KDM1A: variants seen among roughly 807,000 people sequenced by gnomAD.
KDM1A encodes lysine-specific histone demethylase 1A.
KDM1A carries 49 observed loss-of-function variants against 109.4 expected under a neutral mutation model. The ratio of observed to expected loss-of-function variants is 0.45; its 90% CI spans 0.36 to 0.57. KDM1A has a LOEUF of 0.57. KDM1A is among the 20% of genes least tolerant of loss of function. KDM1A has a pLI of 0.00. For missense variants in KDM1A, 668 were observed against 1,116.6 expected (o/e 0.60, Z 5.73); for synonymous variants, 380 against 415.4 (o/e 0.91, Z 1.04).
chr1:23,045,840 G>A (rs924328067), intron 3 of KDM1A, among the ~76,000 whole-genome samples: 1 of 152,108 alleles, frequency 6.6e-6, no homozygotes, highest in Non-Finnish European at 1.5e-5. Flanking sequence ...AAACCTTCAA[G>A]ATCTCTCTTC....
chr1:23,032,698 T>TA (rs1217269393), intron 2 of KDM1A, among the ~76,000 whole-genome samples: 2 of 152,178 alleles, frequency 1.3e-5, no homozygotes, highest in African/African-American at 4.8e-5. Flanking sequence ...AGTGTCAACT[T>TA]ACTAGCCTAA....
intron 12 of KDM1A, 109 bp from the exon 13 acceptor site, chr1:23,071,116 C>A: frequency 1.3e-6 from 1 of 788,066 alleles, no homozygotes; most frequent in Non-Finnish European, 2.1e-6. Context: ...TGCATTGTAG[C>A]CCTGTTTTGT....
chr1:23,019,908 T>C lies in KDM1A; in HGVS notation c.312T>C (p.Thr104=), dbSNP rs1021724556. The C allele has an allele frequency of 6.4e-6, 10 of 1,573,196 alleles. No individual in the cohort carries two copies. The Middle Eastern group carries it at 1.3e-3, about 211-fold the overall frequency. ...CCATGGAAACTGGAATAGCAGAGAC[T>C]CCGGAGGGGCGTCGGACCAGCCGGC... The part of the protein sequence containing the change: ...ATPMETGIAE[T]PEGRRTSRRK... Residue 104 remains threonine, a synonymous_variant, in exon 1 of 21, where the codon ACT becomes ACC. Coordinates refer to ENST00000400181, the MANE Select transcript of KDM1A (RefSeq NM_001009999.3).
intron 9 of KDM1A, among the ~76,000 whole-genome samples, chr1:23,062,836 C>T (rs1315495146): frequency 6.6e-6 from 1 of 151,944 alleles, no homozygotes; most frequent in African/African-American, 2.4e-5. Context: ...TAAGCATATC[C>T]CTCTAAATAG....
chr1:23,057,425 A>G (rs534526617), intron 7 of KDM1A, 59 bp from the exon 8 acceptor site: 3 of 1,261,764 alleles, frequency 2.4e-6, no homozygotes, highest in African/African-American at 1.5e-5. Context: ...GTATGGTACT[A>G]TGCCAGGTTT....
At position 23,083,674 on chromosome 1, in the gene KDM1A, A is replaced by ACTT. The variant is rs528145199; in HGVS notation, c.*312_*314dup. The ACTT allele has an allele frequency of 1.5e-4, 31 of 206,728 alleles. No individual in the cohort carries two copies. The South Asian group carries it at 2.5e-3, about 17-fold the overall frequency. 12.8% of individuals were successfully genotyped at this position (206,728 alleles called of 1,614,324 possible). On this transcript the variant is annotated 3_prime_UTR_variant, in exon 21 of 21. Transcript: ENST00000400181. ...TTTTTTTTTATATTTTGAGAATAAA[A>ACTT]CTTCATATAAAATTGGCCCTCTCTT...
intron 15 of KDM1A, among the ~76,000 whole-genome samples, chr1:23,074,075 T>A (rs911444571): frequency 6.6e-6 from 1 of 152,226 alleles, no homozygotes; most frequent in African/African-American, 2.4e-5. Context: ...TGCCTTCCCA[T>A]CAGCAATGTA....
At chr1:23,081,171 A>G (rs2124551572) in intron 18 of KDM1A, 3 of 332,160 alleles carry the variant, frequency 9.0e-6, no homozygotes, top group South Asian at 1.0e-4. Context: ...CTGAAATTAT[A>G]TCTTCAGAAC....
rs761240763 is a variant in KDM1A at position 23,055,912 on chromosome 1, T to G, written c.884-20T>G. ...TTTTATACCTAAAACAAAATCTTTT[T>G]TTTCATTTTTTGCTTTTAGCTAAAA... On this transcript the variant is annotated intron_variant, in intron 6 of 20. Coordinates refer to ENST00000400181, the MANE Select transcript of KDM1A (RefSeq NM_001009999.3). 4.5e-6 allele frequency: 7 copies of G among 1,541,490 alleles called. No individual in the cohort carries two copies. In the East Asian group the frequency reaches 1.6e-4, roughly 35 times the overall value.
At chr1:23,038,424 T>G (rs369046716) in intron 2 of KDM1A, among the ~76,000 whole-genome samples, 3 of 152,180 alleles carry the variant, frequency 2.0e-5, no homozygotes, top group African/African-American at 7.2e-5. Context: ...GCTGTTGAGT[T>G]ATAAGAAATG....
chr1:23,068,701 T>C lies in KDM1A; in HGVS notation c.1322+20T>C. 6.6e-7 allele frequency: 1 copy of C among 1,511,754 alleles called. No individual in the cohort carries two copies. Among genetic ancestry groups the C allele is most frequent in the South Asian group, 1.4e-5 (1 of 71,718 alleles). The allele number at this position is 1,511,754 out of a possible 1,614,324, so 93.6% of individuals were successfully genotyped here. ...CATTCAGTAAGTACTTTGATACTGCTTATTGTATAGTGAGTTCCATGTGTA... is the reference window on the plus strand; with the variant it reads ...CATTCAGTAAGTACTTTGATACTGCCTATTGTATAGTGAGTTCCATGTGTA... On this transcript the variant is annotated intron_variant, in intron 11 of 20. Coordinates refer to ENST00000400181, the MANE Select transcript of KDM1A (RefSeq NM_001009999.3).
In KDM1A at chr1:23,077,280, C is replaced by T. The variant is rs1303243768; in HGVS notation, c.1787C>T (p.Ser596Leu). 1.9e-6 allele frequency: 3 copies of T among 1,614,058 alleles called. No homozygotes were observed. Among genetic ancestry groups the T allele is most frequent in the Non-Finnish European group, 2.5e-6 (3 of 1,179,930 alleles). The change falls in exon 16 of 21, where the codon TCG (serine) becomes TTG (leucine). Residue 596 changes from serine to leucine, a missense_variant. Transcript: ENST00000400181. Reference protein sequence around the residue: ...GSHLTVRNGYSCVPVALAEGL... With the variant: ...GSHLTVRNGYLCVPVALAEGL... ...CACCTGACAGTAAGGAATGGCTACT[C>T]GTGTGTGCCTGTGGCTTTAGCAGAA...
chr1:23,078,921 C>T (rs1378814963), intron 16 of KDM1A, 69 bp from the exon 17 acceptor site: 3 of 1,320,014 alleles, frequency 2.3e-6, no homozygotes, highest in Non-Finnish European at 3.2e-6. Flanking sequence ...CTGTTGTACA[C>T]TAAATGTTCA....
intron 14 of KDM1A, among the ~76,000 whole-genome samples, chr1:23,072,706 T>G (rs1643355424): frequency 6.6e-6 from 1 of 152,188 alleles, no homozygotes. Context: ...AGTGCAATGA[T>G]GTGATCTCAG....
At chr1:23,064,961 T>G (rs749580381) in intron 9 of KDM1A, among the ~76,000 whole-genome samples, 27 of 152,208 alleles carry the variant, frequency 1.8e-4, no homozygotes, top group Non-Finnish European at 3.4e-4. Context: ...GCTCTTAACA[T>G]TATTGGTCCT....
chr1:23,022,636 G>A (rs193280534), intron 1 of KDM1A, among the ~76,000 whole-genome samples: 214 of 142,934 alleles, frequency 1.5e-3, no homozygotes, highest in African/African-American at 5.3e-3. Context: ...CACTGCGCCT[G>A]GCCTTCTTCT....
chr1:23,021,387 C>T (rs1641623025), intron 1 of KDM1A, among the ~76,000 whole-genome samples: 1 of 152,190 alleles, frequency 6.6e-6, no homozygotes. Context: ...ATTGGCTGGG[C>T]ACAGTGGCTC....
In KDM1A at chr1:23,056,016, A is replaced by G. The variant is rs376593856; in HGVS notation, c.968A>G (p.Asp323Gly). The G allele has an allele frequency of 4.3e-6, 7 of 1,612,338 alleles. No homozygotes were observed. The highest frequency in any genetic ancestry group is 5.9e-6 in the Non-Finnish European group (7 of 1,178,804). ...CGACAGTTACAAAGTTTTGGAATGG[A>G]TGTCACACTTTTGGAAGCCAGGGTA... ...AARQLQSFGM[D>G]VTLLEARDRV... is the part of the protein sequence containing the mutation. The change falls in exon 7 of 21, where the codon GAT becomes GGT. Residue 323 changes from aspartate to glycine, a missense_variant. Around this residue, in one of 8 missense-constraint regions of KDM1A, gnomAD observed 53 missense variants for 122.5 expected, o/e 0.43. Coordinates refer to ENST00000400181, the MANE Select transcript of KDM1A (RefSeq NM_001009999.3).
At chr1:23,046,437 G>A (rs185628767) in intron 3 of KDM1A, among the ~76,000 whole-genome samples, 5 of 151,788 alleles carry the variant, frequency 3.3e-5, no homozygotes, top group Non-Finnish European at 5.9e-5. Context: ...TTATTTTCAC[G>A]CTAGAAATCT....
Sources: allele counts gnomAD v4.1 joint callset (sites outside exome capture counted in the v4.1 genomes callset), GRCh38; gene constraint gnomAD v4.1.1; regional missense constraint gnomAD v4.1.1; transcripts MANE v1.5; gene names NCBI Gene and HGNC (gene_info 2026-07-23, HGNC 2026-07-21).